The following RNF130 variants were observed in gnomAD, a reference collection of about 807,000 sequenced individuals.
The protein encoded by RNF130 is ring finger protein 130.
Under a neutral mutation model 44.6 loss-of-function variants are expected in RNF130, and 21 were observed. The ratio of observed to expected loss-of-function variants is 0.47; its 90% confidence interval spans 0.33 to 0.68. The LOEUF is 0.68. Among genes scored for constraint, RNF130 ranks in the 30% least tolerant of loss-of-function variants. The pLI is 0.02. For synonymous variants in RNF130, 214 were observed against 210.4 expected (o/e 1.02, Z -0.15); for missense variants, 479 against 560.6 (o/e 0.85, Z 1.47).
At chr5:179,968,367 C>A (rs2113705511) in intron 6 of RNF130, among the ~76,000 whole-genome samples, 1 of 149,872 alleles carries the variant, frequency 6.7e-6, no homozygotes, top group East Asian at 2.0e-4. Flanking sequence ...TACTGTTTTT[C>A]AAGTTTCTAC....
intron 7 of RNF130, among the ~76,000 whole-genome samples, chr5:179,944,800 G>A (rs1405671996): frequency 6.6e-6 from 1 of 151,916 alleles, no homozygotes; most frequent in Non-Finnish European, 1.5e-5. Context: ...CAGGGGTAAC[G>A]TGTCTGGCTC....
chr5:180,043,231 G>A (rs1388368780), intron 1 of RNF130, among the ~76,000 whole-genome samples: 7 of 152,180 alleles, frequency 4.6e-5, no homozygotes, highest in African/African-American at 1.2e-4. Context: ...AAGCTGAGAT[G>A]GGAGGATCGC....
intron 3 of RNF130, among the ~76,000 whole-genome samples, chr5:179,990,715 G>C (rs1763061930): frequency 6.6e-6 from 1 of 152,208 alleles, no homozygotes; most frequent in Non-Finnish European, 1.5e-5. Context: ...GCTAGACCAA[G>C]GAGCCCTCTG....
At chr5:180,042,562 G>A (rs1435601594) in intron 1 of RNF130, among the ~76,000 whole-genome samples, 1 of 152,108 alleles carries the variant, frequency 6.6e-6, no homozygotes, top group Non-Finnish European at 1.5e-5. Flanking sequence ...CTGTTTCACC[G>A]ATAATTATGC....
chr5:179,998,030 C>T (rs1478230046), intron 3 of RNF130, among the ~76,000 whole-genome samples: 3 of 151,400 alleles, frequency 2.0e-5, no homozygotes, highest in East Asian at 2.0e-4. Context: ...TTAGTAGAGA[C>T]GGGGTTTCAC....
Position 180,040,532 on chromosome 5 carries a change from C to A in RNF130, c.363G>T (p.Arg121=), listed in dbSNP as rs1764384450. 1 of 1,614,036 alleles carries A rather than the reference C, an allele frequency of 6.2e-7. No homozygotes were observed. Residue 121 remains arginine (R), a synonymous_variant, in exon 2 of 9, where the codon CGG becomes CGT. Coordinates refer to ENST00000521389, the MANE Select transcript of RNF130 (RefSeq NM_018434.6). Reference sequence around the variant, plus strand: ...CAGCAACTGCATTGTGGAAAGCGGCCCGTGATATTTTCTCTTTAAACGTGC... The same window carrying A: ...CAGCAACTGCATTGTGGAAAGCGGCACGTGATATTTTCTCTTTAAACGTGC... ...GNCTFKEKIS[R]AAFHNAVAVV...
At position 179,946,070 on chromosome 5, in the gene RNF130, A is replaced by G. The variant is rs139262425; in HGVS notation, c.1150+20736T>C. 3.3e-5 allele frequency among the ~76,000 whole-genome samples: 5 copies of G among 152,328 alleles called. No individual in the cohort carries two copies. In the East Asian group the frequency reaches 9.6e-4, roughly 29 times the overall value. ...TCCCATCAGCGTTTCGCTGTCCTCC[A>G]AGGGACTTTTCAAATGCCATTTGGG... On this transcript the variant is annotated intron_variant, in intron 7 of 7. Coordinates refer to the RNF130 transcript ENST00000522208.
chr5:180,022,183 T>C (rs1763889884), intron 2 of RNF130, among the ~76,000 whole-genome samples: 2 of 152,222 alleles, frequency 1.3e-5, no homozygotes, highest in Admixed American at 1.3e-4. Flanking sequence ...GTAAAGGTGA[T>C]GTCCTCCAGG....
intron 5 of RNF130, among the ~76,000 whole-genome samples, chr5:179,976,495 G>T (rs1044527127): frequency 6.6e-6 from 1 of 152,158 alleles, no homozygotes; most frequent in Non-Finnish European, 1.5e-5. Flanking sequence ...TTGCACTGGC[G>T]TGTGCATTTC....
At chr5:180,037,434 G>A (rs532588992) in intron 2 of RNF130, among the ~76,000 whole-genome samples, 39 of 152,270 alleles carry the variant, frequency 2.6e-4, no homozygotes, top group Admixed American at 7.2e-4. Context: ...CTTACAGAAG[G>A]CCTCTATCCT....
chr5:179,920,581 G>A (rs772109832), intron 7 of RNF130, among the ~76,000 whole-genome samples: 16 of 152,012 alleles, frequency 1.1e-4, no homozygotes, highest in Non-Finnish European at 2.2e-4. Context: ...AAAAGTGCGG[G>A]CATCCTTCAA....
In RNF130 at chr5:180,033,314, G is replaced by A. The variant is rs535778913; in HGVS notation, c.442+7139C>T. Among the ~76,000 whole-genome samples the A allele has an allele frequency of 1.4e-4, 22 of 152,258 alleles. 1 individual carries two copies. The South Asian group carries it at 3.9e-3, about 27-fold the overall frequency. ...TCTTGAATTTCTCTCAGTAATGTTT[G>A]TAGGTTCAATGTGCAATTCTTACAT... On this transcript the variant is annotated intron_variant, in intron 2 of 8. Coordinates refer to ENST00000521389, the MANE Select transcript of RNF130 (RefSeq NM_018434.6).
intron 6 of RNF130, among the ~76,000 whole-genome samples, chr5:179,970,024 T>C (rs953686287): frequency 2.6e-5 from 4 of 151,984 alleles, no homozygotes; most frequent in South Asian, 4.2e-4. Flanking sequence ...GGCATGGCGG[T>C]GTATGCCTGT....
At chr5:179,941,192 T>C (rs1164294717) in intron 7 of RNF130, among the ~76,000 whole-genome samples, 1 of 152,232 alleles carries the variant, frequency 6.6e-6, no homozygotes, top group Non-Finnish European at 1.5e-5. Flanking sequence ...TCTTATCTCC[T>C]GGCTTGCCTG....
intron 3 of RNF130, among the ~76,000 whole-genome samples, chr5:179,989,681 C>T (rs1211232162): frequency 6.6e-6 from 1 of 152,110 alleles, no homozygotes; most frequent in African/African-American, 2.4e-5. Context: ...TCTATTCAGT[C>T]AGGCTGTATC....
chr5:179,942,565 G>T (rs553768668), intron 7 of RNF130, among the ~76,000 whole-genome samples: 2 of 152,256 alleles, frequency 1.3e-5, no homozygotes, highest in East Asian at 3.9e-4. Context: ...GAGTAAGAAA[G>T]AATTTTAGAC....
intron 1 of RNF130, among the ~76,000 whole-genome samples, chr5:180,044,831 C>CAA (rs1009813356): frequency 1.1e-4 from 15 of 137,066 alleles, no homozygotes; most frequent in South Asian, 9.4e-4. Flanking sequence ...GACTCCGTCT[C>CAA]AAAAAAAAAA....
intron 7 of RNF130, among the ~76,000 whole-genome samples, chr5:179,926,322 C>T (rs1019896054): frequency 6.6e-6 from 1 of 152,200 alleles, no homozygotes; most frequent in Admixed American, 6.5e-5. Context: ...TGACACGTCT[C>T]TTCATCTGTA....
At chr5:180,019,773 C>T (rs1366176442) in intron 2 of RNF130, among the ~76,000 whole-genome samples, 4 of 152,254 alleles carry the variant, frequency 2.6e-5, no homozygotes, top group Non-Finnish European at 2.9e-5. Flanking sequence ...TATAGACCTG[C>T]TGTCACTCTG....
Sources: gnomAD v4.1 joint callset for allele counts (sites outside exome capture counted in the v4.1 genomes callset) on GRCh38, gnomAD v4.1.1 for gene constraint, MANE v1.5 for transcripts, NCBI Gene and HGNC (gene_info 2026-07-23, HGNC 2026-07-21) for gene names.